PTPRD: variants seen among roughly 807,000 people sequenced by gnomAD.
PTPRD encodes the protein receptor-type tyrosine-protein phosphatase delta.
PTPRD carries 34 observed loss-of-function variants against 214.5 expected under a neutral mutation model. The ratio of observed to expected loss-of-function variants is 0.16; its 90% CI spans 0.12 to 0.21. The LOEUF (loss-of-function observed/expected upper bound fraction) is 0.21, where lower values mean the gene tolerates loss of function less well. Ranked by LOEUF, PTPRD falls within the 10% of genes least tolerant of loss-of-function variation. PTPRD has a pLI of 1.00. For synonymous variants in PTPRD, 1,128 were observed against 845.7 expected (o/e 1.33, Z -5.79); for missense variants, 2,545 against 2,398.7 (o/e 1.06, Z -1.27).
intron 11 of PTPRD, among the ~76,000 whole-genome samples, chr9:8,990,300 G>A (rs1383827292): frequency 6.6e-6 from 1 of 152,172 alleles, no homozygotes; most frequent in African/African-American, 2.4e-5. Flanking sequence ...TTCTGCATCA[G>A]TTACGTGGAA....
chr9:10,273,488 G>A (rs2094527544), intron 3 of PTPRD, among the ~76,000 whole-genome samples: 1 of 152,104 alleles, frequency 6.6e-6, no homozygotes. Context: ...AAGTAGTCAA[G>A]TACCAACTAA....
chr9:8,543,694 TG>T (rs759650775), intron 14 of PTPRD, among the ~76,000 whole-genome samples: 1 of 152,206 alleles, frequency 6.6e-6, no homozygotes, highest in Non-Finnish European at 1.5e-5. Context: ...GTTTCCCCAG[TG>T]GGAAAAAGAC....
intron 34 of PTPRD, among the ~76,000 whole-genome samples, chr9:8,440,881 C>T (rs2095525447): frequency 6.6e-6 from 1 of 152,164 alleles, no homozygotes; most frequent in Non-Finnish European, 1.5e-5. Flanking sequence ...CCAGCACTTT[C>T]ACTTTATACA....
intron 3 of PTPRD, among the ~76,000 whole-genome samples, chr9:10,296,807 G>C (rs1007709364): frequency 8.6e-5 from 13 of 151,864 alleles, no homozygotes; most frequent in African/African-American, 3.1e-4. Context: ...TTGCTTCTGA[G>C]GTAGCAAAAA....
chr9:8,912,134 C>T (rs2098752366), intron 11 of PTPRD, among the ~76,000 whole-genome samples: 1 of 152,058 alleles, frequency 6.6e-6, no homozygotes, highest in Non-Finnish European at 1.5e-5. Context: ...TGGCAGATGA[C>T]CCAGGAATTC....
intron 44 of PTPRD, among the ~76,000 whole-genome samples, chr9:8,328,455 T>C (rs573129709): frequency 3.2e-4 from 48 of 152,286 alleles, no homozygotes; most frequent in Admixed American, 3.1e-3. Context: ...TAACATTTTT[T>C]CCTTCGTTTC....
intron 14 of PTPRD, among the ~76,000 whole-genome samples, chr9:8,622,950 CA>C (rs1422011217): frequency 6.7e-6 from 1 of 150,354 alleles, no homozygotes; most frequent in Non-Finnish European, 1.5e-5. Flanking sequence ...CCAGCCTGGG[CA>C]ATATAGCAAG....
At chr9:9,211,634 T>A (rs768954313) in intron 9 of PTPRD, among the ~76,000 whole-genome samples, 35 of 152,016 alleles carry the variant, frequency 2.3e-4, no homozygotes, top group Non-Finnish European at 4.0e-4. Context: ...ATTTGACATA[T>A]ACCAAAGAGC....
chr9:9,818,943 G>C (rs111592494), intron 5 of PTPRD, among the ~76,000 whole-genome samples: 2 of 147,910 alleles, frequency 1.4e-5, no homozygotes, highest in African/African-American at 2.5e-5. Flanking sequence ...AAAAAAGTTC[G>C]TATGTATGTC....
chr9:9,150,315 G>C (rs1047140395), intron 10 of PTPRD, among the ~76,000 whole-genome samples: 3 of 151,710 alleles, frequency 2.0e-5, no homozygotes, highest in Non-Finnish European at 4.4e-5. Flanking sequence ...CTAAGGATAC[G>C]TGCTTTGTGC....
chr9:10,390,448 T>C (rs1286075301), intron 2 of PTPRD, among the ~76,000 whole-genome samples: 2 of 151,806 alleles, frequency 1.3e-5, no homozygotes, highest in African/African-American at 4.8e-5. Context: ...TGAAATGCAA[T>C]TCTTCAGAGA....
At chr9:9,045,306 C>A (rs1298311300) in intron 10 of PTPRD, among the ~76,000 whole-genome samples, 1 of 152,086 alleles carries the variant, frequency 6.6e-6, no homozygotes, top group African/African-American at 2.4e-5. Flanking sequence ...GCTCTTCATT[C>A]TTATGGATGA....
intron 4 of PTPRD, among the ~76,000 whole-genome samples, chr9:9,940,597 T>C (rs2091184400): frequency 6.6e-6 from 1 of 152,194 alleles, no homozygotes; most frequent in Non-Finnish European, 1.5e-5. Context: ...CTTCTGAGTT[T>C]TGTTAAATTA....
intron 12 of PTPRD, among the ~76,000 whole-genome samples, chr9:8,678,328 C>T (rs1016662549): frequency 6.6e-5 from 10 of 152,156 alleles, no homozygotes; most frequent in African/African-American, 1.7e-4. Flanking sequence ...TTCAAAACCA[C>T]GGTTTTCCAA....
chr9:9,849,212 A>G (rs909086182), intron 5 of PTPRD, among the ~76,000 whole-genome samples: 16 of 152,084 alleles, frequency 1.1e-4, no homozygotes, highest in African/African-American at 3.9e-4. Context: ...AATGAATTCC[A>G]GCAGATCCCA....
chr9:9,712,851 G>A (rs768932236), intron 7 of PTPRD, among the ~76,000 whole-genome samples: 6 of 152,098 alleles, frequency 3.9e-5, no homozygotes, highest in Non-Finnish European at 7.4e-5. Context: ...CTATTTTATG[G>A]TATTTGTTTT....
rs35751005 is a variant in PTPRD at position 8,525,217 on chromosome 9, ATT to A, written c.569-184_569-183del. 3,547 of 616,914 alleles carry A rather than the reference ATT, an allele frequency of 5.7e-3. 33 individuals are homozygous for A. Among genetic ancestry groups the A allele is most frequent in the East Asian group, 0.029 (1,005 of 34,668 alleles). The allele number at this position is 616,914 out of a possible 1,614,324, so 38.2% of individuals were successfully genotyped here. On this transcript the variant is annotated intron_variant, in intron 17 of 45. Transcript: ENST00000381196. ...GCGATGAGAAAAACATATAGAGATT[ATT>A]TTTTTTTTTTACATCATCAATGCTA...
intron 14 of PTPRD, among the ~76,000 whole-genome samples, chr9:8,537,420 T>C (rs751063672): frequency 6.6e-6 from 1 of 151,970 alleles, no homozygotes; most frequent in Non-Finnish European, 1.5e-5. Flanking sequence ...AAAAAAGTAA[T>C]TATGAACAAG....
chr9:9,180,177 G>T (rs1339600219), intron 10 of PTPRD, among the ~76,000 whole-genome samples: 1 of 151,460 alleles, frequency 6.6e-6, no homozygotes, highest in African/African-American at 2.4e-5. Context: ...ATTCACAATA[G>T]CAAAGACTTG....
Sources: allele counts gnomAD v4.1 joint callset (sites outside exome capture counted in the v4.1 genomes callset), GRCh38; gene constraint gnomAD v4.1.1; transcripts MANE v1.5; gene names NCBI Gene and HGNC (gene_info 2026-07-23, HGNC 2026-07-21).